Variants in ARHGEF28 observed in about 807,000 individuals in gnomAD.
ARHGEF28 encodes the protein Rho guanine nucleotide exchange factor 28.
In ARHGEF28, 152 loss-of-function variants were observed where a neutral mutation model predicts 206.6. The ratio of observed to expected loss-of-function variants is 0.74; its 90% confidence interval spans 0.64 to 0.84. The LOEUF (loss-of-function observed/expected upper bound fraction) is 0.84, where lower values mean the gene tolerates loss of function less well. ARHGEF28 is among the 40% of genes least tolerant of loss of function. ARHGEF28 has a pLI of 0.00. For missense variants in ARHGEF28, 2,028 were observed against 2,073.2 expected, an observed-to-expected ratio of 0.98 and a Z score of 0.42; for synonymous variants, 763 against 776.4, an observed-to-expected ratio of 0.98 and a Z score of 0.29.
Position 73,721,188 on chromosome 5 carries a change from G to A in ARHGEF28, c.34-28649G>A, listed in dbSNP as rs147840918. On this transcript the variant is annotated intron_variant, in intron 2 of 35. Transcript: ENST00000513042. ...AGCCACAGAGGCTGCTCTCCACCAT[G>A]TATGAGGAAGGATGGGGGCCTGGGA... 2.0e-3 allele frequency among the ~76,000 whole-genome samples: 306 copies of A among 152,296 alleles called. 2 individuals are homozygous for A. The highest frequency in any genetic ancestry group is 6.9e-3 in the African/African-American group (288 of 41,568).
intron 28 of ARHGEF28, 59 bp from the exon 29 acceptor site, chr5:73,894,334 C>A (rs1411523612): frequency 2.5e-5 from 37 of 1,469,684 alleles, no homozygotes; most frequent in Non-Finnish European, 4.6e-6. Context: ...CGTGGACTTT[C>A]ACATTAGTGG....
At chr5:73,779,579 C>T (rs1238106462) in intron 6 of ARHGEF28, among the ~76,000 whole-genome samples, 1 of 152,154 alleles carries the variant, frequency 6.6e-6, no homozygotes. Flanking sequence ...GGCTAAGGTT[C>T]AGCCCAAGTA....
intron 2 of ARHGEF28, among the ~76,000 whole-genome samples, chr5:73,695,371 C>T (rs934534392): frequency 1.3e-5 from 2 of 152,024 alleles, no homozygotes; most frequent in African/African-American, 4.8e-5. Context: ...CTTTTTCTCG[C>T]GAGCTCATCT....
intron 7 of ARHGEF28, 39 bp from the exon 8 acceptor site, chr5:73,794,363 G>C (rs566014145): frequency 6.6e-7 from 1 of 1,523,340 alleles, no homozygotes; most frequent in East Asian, 2.3e-5. Flanking sequence ...CTTAACAAAA[G>C]CTCCCATCAG....
At chr5:73,752,713 G>C (rs1752081275) in intron 3 of ARHGEF28, among the ~76,000 whole-genome samples, 196 bp from the exon 4 acceptor site, 2 of 152,182 alleles carry the variant, frequency 1.3e-5, no homozygotes, top group Non-Finnish European at 2.9e-5. Flanking sequence ...AGGAGTAACT[G>C]AAAGAAGATG....
At chr5:73,686,862 A>G (rs930067310) in intron 2 of ARHGEF28, among the ~76,000 whole-genome samples, 2 of 152,188 alleles carry the variant, frequency 1.3e-5, no homozygotes, top group Admixed American at 1.3e-4. Flanking sequence ...TGCTGATAAG[A>G]GTAAAATGAA....
At position 73,909,909 on chromosome 5, in the gene ARHGEF28, C is replaced by T. The variant is rs945829155; in HGVS notation, c.4647+12C>T. 11 of 1,490,640 alleles carry T rather than the reference C, an allele frequency of 7.4e-6. No individual in the cohort carries two copies. Among genetic ancestry groups the T allele is most frequent in the African/African-American group, 1.4e-5 (1 of 70,884 alleles). 92.3% of individuals were successfully genotyped at this position (1,490,640 alleles called of 1,614,324 possible). A position where few individuals can be genotyped will look rare whatever the true frequency, so the allele number is the denominator to read the frequency against. ...CGGGTGGCCCCGAGGTATGGACCTTCTGCGGTGCTGTGAGGCAGCCTCTCA... is the reference window on the plus strand; with the variant it reads ...CGGGTGGCCCCGAGGTATGGACCTTTTGCGGTGCTGTGAGGCAGCCTCTCA... On this transcript the variant is annotated intron_variant, in intron 34 of 35. Coordinates refer to ENST00000513042, the MANE Select transcript of ARHGEF28 (RefSeq NM_001177693.2).
intron 35 of ARHGEF28, among the ~76,000 whole-genome samples, chr5:73,932,003 TA>T (rs1329274885): frequency 6.6e-6 from 1 of 152,214 alleles, no homozygotes; most frequent in Non-Finnish European, 1.5e-5. Flanking sequence ...TGAAATACCT[TA>T]AAAACAAACG....
chr5:73,909,603 G>C lies in ARHGEF28; in HGVS notation c.4353G>C (p.Gln1451His). The C allele has an allele frequency of 1.3e-6, 2 of 1,554,664 alleles. No homozygotes were observed. Among genetic ancestry groups the C allele is most frequent in the Non-Finnish European group, 1.7e-6 (2 of 1,149,418 alleles). The change falls in exon 34 of 36, where the codon CAG becomes CAC. Residue 1451 changes from glutamine (Q) to histidine (H), a missense_variant. Transcript: ENST00000513042. ...TTCAGCACCAGCTCCAGCAGGAGCA[G>C]CGGCGCTGGCTGCGCAGGTGTGAGC... ...HQLQHQLQQE[Q>H]RRWLRRCEQQ... is the part of the protein sequence containing the mutation.
intron 6 of ARHGEF28, 23 bp from the exon 7 acceptor site, chr5:73,780,653 T>C (rs1753794575): frequency 1.3e-6 from 2 of 1,546,224 alleles, no homozygotes; most frequent in Non-Finnish European, 1.7e-6. Flanking sequence ...TTTTTTGTTT[T>C]TTTTTTCCCC....
intron 2 of ARHGEF28, among the ~76,000 whole-genome samples, chr5:73,690,844 T>C (rs1446363893): frequency 6.6e-6 from 1 of 152,246 alleles, no homozygotes; most frequent in East Asian, 1.9e-4. Context: ...AAAATGGCTT[T>C]ATTTAAAATG....
chr5:73,789,990 C>A (rs1754377324), intron 7 of ARHGEF28, among the ~76,000 whole-genome samples: 1 of 152,148 alleles, frequency 6.6e-6, no homozygotes, highest in Non-Finnish European at 1.5e-5. Context: ...CTGTTGGCCA[C>A]AAAACCATCC....
chr5:73,922,103 T>C (rs2111976842), intron 35 of ARHGEF28, among the ~76,000 whole-genome samples: 1 of 152,346 alleles, frequency 6.6e-6, no homozygotes, highest in Admixed American at 6.5e-5. Context: ...CCTTAAGACT[T>C]TCTTGTGGAT....
At chr5:73,907,985 T>C (rs1160114238) in intron 33 of ARHGEF28, among the ~76,000 whole-genome samples, 3 of 152,172 alleles carry the variant, frequency 2.0e-5, no homozygotes, top group Non-Finnish European at 4.4e-5. Flanking sequence ...TTTATTAGAA[T>C]TAAGTGGTGA....
intron 9 of ARHGEF28, among the ~76,000 whole-genome samples, chr5:73,816,869 A>G (rs1446870842): frequency 6.6e-6 from 1 of 152,228 alleles, no homozygotes; most frequent in African/African-American, 2.4e-5. Flanking sequence ...AGGCCATACT[A>G]GCGGCCCAGC....
chr5:73,869,222 T>TGGGG lies in ARHGEF28; in HGVS notation c.2426-845_2426-844insGGGG, dbSNP rs67692648. Among the ~76,000 whole-genome samples, 313 of 99,352 alleles carry TGGGG rather than the reference T, an allele frequency of 3.2e-3. 2 individuals are homozygous for TGGGG. Among genetic ancestry groups the TGGGG allele is most frequent in the African/African-American group, 6.6e-3 (169 of 25,770 alleles). 65.2% of individuals were successfully genotyped at this position (99,352 alleles called of 152,430 possible). On this transcript the variant is annotated intron_variant, in intron 20 of 35. Coordinates refer to ENST00000513042, the MANE Select transcript of ARHGEF28 (RefSeq NM_001177693.2). Reference sequence around the variant, plus strand: ...TTTCCTGAGGAGTGTGTGTGTGGGGTGGAGGGGGGTGGGGAAGGGCATGTA... The same window carrying TGGGG: ...TTTCCTGAGGAGTGTGTGTGTGGGGTGGGGGGAGGGGGGTGGGGAAGGGCATGTA...
At chr5:73,926,335 C>G (rs1763805999) in intron 35 of ARHGEF28, among the ~76,000 whole-genome samples, 1 of 152,164 alleles carries the variant, frequency 6.6e-6, no homozygotes, top group Non-Finnish European at 1.5e-5. Flanking sequence ...ACTTGCCTCT[C>G]TCGTTTCAGG....
At chr5:73,913,694 T>G (rs1182581039) in intron 35 of ARHGEF28, among the ~76,000 whole-genome samples, 1 of 152,184 alleles carries the variant, frequency 6.6e-6, no homozygotes, top group Non-Finnish European at 1.5e-5. Context: ...TGTCCCCTCT[T>G]CTGTGTTTTG....
In ARHGEF28 at chr5:73,911,504, T is replaced by A; in HGVS notation, c.4877T>A (p.Leu1626Gln). The change falls in exon 35 of 36, where the codon CTG (leucine) becomes CAG (glutamine). Residue 1626 changes from leucine (L) to glutamine (Q), a missense_variant. Transcript: ENST00000513042. ...CAGCCTTCGAATGTCAGTCACAAAC[T>A]GTGGACAGCCGCTGGTTCCGGCCAT... ...PSQPSNVSHKLWTAAGSGHQI... is the reference protein window; with the variant it reads ...PSQPSNVSHKQWTAAGSGHQI... 1.9e-6 allele frequency: 3 copies of A among 1,613,790 alleles called. No homozygotes were observed. Among genetic ancestry groups the A allele is most frequent in the Non-Finnish European group, 2.5e-6 (3 of 1,179,816 alleles).
Sources: gnomAD v4.1 joint callset for allele counts (sites outside exome capture counted in the v4.1 genomes callset) on GRCh38, gnomAD v4.1.1 for gene constraint, MANE v1.5 for transcripts, NCBI Gene and HGNC (gene_info 2026-07-23, HGNC 2026-07-21) for gene names.